Variants in FGFBP3 observed in about 807,000 individuals in gnomAD.
The protein encoded by FGFBP3 is fibroblast growth factor binding protein 3, also known as fibroblast growth factor-binding protein 3.
A neutral mutation model predicts 4.8 loss-of-function variants in FGFBP3; 4 were observed. That is an observed-to-expected ratio of 0.83 (90% CI 0.41 to 1.90). FGFBP3 has a LOEUF of 1.90. Ranked by LOEUF, FGFBP3 falls within the 40% of genes most tolerant of loss-of-function variation. The probability of loss-of-function intolerance (pLI) is 0.03; values close to 1 mark genes in which losing one functional copy is unlikely to be tolerated. For synonymous variants in FGFBP3, 215 were observed against 190.0 expected (o/e 1.13, Z -1.08); for missense variants, 429 against 397.4 (o/e 1.08, Z -0.68).
rs1321122723 is a variant in FGFBP3, at chr10:91,908,335, G to A, written c.635C>T (p.Ala212Val). 4 of 1,597,610 alleles carry A rather than the reference G, an allele frequency of 2.5e-6. No homozygotes were observed. The highest frequency in any genetic ancestry group is 1.4e-5 in the African/African-American group (1 of 73,672). The change falls in exon 2 of 2, where the codon GCC becomes GTC. Residue 212 changes from alanine to valine, a missense_variant. Transcript: ENST00000311575. ...RKTNEGKRKA[A>V]LVPNEERPMG... ...GGGTCGCTCCTCGTTGGGGACCAAG[G>A]CCGCCTTCCTCTTGCCCTCGTTGGT...
Position 91,908,016 on chromosome 10 carries a change from T to C in FGFBP3, c.*177A>G. The C allele has an allele frequency of 3.0e-6, 2 of 655,980 alleles. No homozygotes were observed. Among genetic ancestry groups the C allele is most frequent in the South Asian group, 2.5e-5 (1 of 39,666 alleles). The allele number at this position is 655,980 out of a possible 1,614,324, so 40.6% of individuals were successfully genotyped here. A position where few individuals can be genotyped will look rare whatever the true frequency, so the allele number is the denominator to read the frequency against. The stretch of plus-strand genomic sequence containing the variant: ...TTAACTTCTCTGCTATCCCAGAGAT[T>C]CTCCATACCCCTTACACTCTCATCC... On this transcript the variant is annotated 3_prime_UTR_variant, in exon 2 of 2. Coordinates refer to ENST00000311575, the MANE Select transcript of FGFBP3 (RefSeq NM_152429.5).
chr10:91,909,223 A>C, intron 1 of FGFBP3, 175 bp downstream of exon 1: 4 of 486,212 alleles, frequency 8.2e-6, no homozygotes, highest in Non-Finnish European at 7.1e-6. Flanking sequence ...CTTTCGAACC[A>C]TGTATGCATT....
rs1843319986 is a variant in FGFBP3, at chr10:91,908,626, C to G, written c.344G>C (p.Gly115Ala). 1.4e-6 allele frequency: 2 copies of G among 1,438,366 alleles called. No individual in the cohort carries two copies. The highest frequency in any genetic ancestry group is 1.8e-6 in the Non-Finnish European group (2 of 1,100,326). The allele number at this position is 1,438,366 out of a possible 1,614,324, so 89.1% of individuals were successfully genotyped here. ...GGGCCTCCGCTTCTTGCGCAGCCCT[C>G]CCAGCACCTGCTTCCAGAAGTGCGC... is the stretch of plus-strand genomic sequence containing the variant. ...RRAHFWKQVL[G>A]GLRKKRRPCH... The change falls in exon 2 of 2, where the codon GGA becomes GCA. Residue 115 changes from glycine (G) to alanine (A), a missense_variant. Coordinates refer to ENST00000311575, the MANE Select transcript of FGFBP3 (RefSeq NM_152429.5).
rs374461098 is a variant in FGFBP3 at position 91,908,448 on chromosome 10, C to G, written c.522G>C (p.Gly174=). The G allele has an allele frequency of 1.1e-5, 16 of 1,473,590 alleles. No individual in the cohort carries two copies. The highest frequency in any genetic ancestry group is 1.5e-5 in the African/African-American group (1 of 67,264). The allele number at this position is 1,473,590 out of a possible 1,614,324, so 91.3% of individuals were successfully genotyped here. The part of the protein sequence containing the change: ...GESKPRARNR[G]RTRERASGPA... ...GGCCGGACGCACGCTCCCGGGTCCG[C>G]CCCCGGTTCCGGGCCCGGGGCTTGG... The change falls in exon 2 of 2, where the codon GGG becomes GGC. Residue 174 remains glycine (G), a synonymous_variant. Coordinates refer to ENST00000311575, the MANE Select transcript of FGFBP3 (RefSeq NM_152429.5).
chr10:91,908,915 TCAG>T lies in FGFBP3; in HGVS notation c.52_54del (p.Leu18del), dbSNP rs370474127. ...CGAGCAGCCGCGAGGAGGCAACCAC[TCAG>T]CAGCAGCAGCAGCGACGGCGACAGC... On this transcript the variant is annotated inframe_deletion, in exon 2 of 2. Transcript: ENST00000311575. The T allele has an allele frequency of 8.9e-5, 143 of 1,603,682 alleles. 1 individual carries two copies. The highest frequency in any genetic ancestry group is 7.0e-4 in the East Asian group (31 of 44,296).
At position 91,907,823 on chromosome 10, in the gene FGFBP3, C is replaced by G. The variant is rs878954259; in HGVS notation, c.*370G>C. 3.9e-5 allele frequency: 8 copies of G among 203,080 alleles called. No individual in the cohort carries two copies. In the South Asian group the frequency reaches 1.0e-3, roughly 26 times the overall value. The allele number at this position is 203,080 out of a possible 1,614,324, so 12.6% of individuals were successfully genotyped here. ...AACAATAAACATTGCATCCCCCTCC[C>G]CACATGGGACTCACATCACTTTAGT... is the stretch of plus-strand genomic sequence containing the variant. On this transcript the variant is annotated 3_prime_UTR_variant, in exon 2 of 2. Transcript: ENST00000311575.
chr10:91,909,271 A>G, intron 1 of FGFBP3, 127 bp downstream of exon 1: 1 of 420,442 alleles, frequency 2.4e-6, no homozygotes, highest in South Asian at 3.8e-5. Flanking sequence ...TAGCAAAACG[A>G]TGCGTGATAA....
rs1843317366 is a variant in FGFBP3, at chr10:91,908,438, C to CCCGGGTCCGCCCCCGGTT, written c.514_531dup (p.Asn172_Arg177dup). ...CCAGCGGCTGGGCCGGACGCACGCT[C>CCCGGGTCCGCCCCCGGTT]CCGGGTCCGCCCCCGGTTCCGGGCC... is the stretch of plus-strand genomic sequence containing the variant. On this transcript the variant is annotated inframe_insertion, in exon 2 of 2. Transcript: ENST00000311575. The CCCGGGTCCGCCCCCGGTT allele has an allele frequency of 6.7e-7, 1 of 1,488,162 alleles. No homozygotes were observed. 92.2% of individuals were successfully genotyped at this position (1,488,162 alleles called of 1,614,324 possible). A position where few individuals can be genotyped will look rare whatever the true frequency, so the allele number is the denominator to read the frequency against.
chr10:91,908,647 T>G lies in FGFBP3; in HGVS notation c.323A>C (p.His108Pro). The G allele has an allele frequency of 7.0e-7, 1 of 1,435,626 alleles. No homozygotes were observed. Among genetic ancestry groups the G allele is most frequent in the Middle Eastern group, 2.4e-4 (1 of 4,250 alleles). The allele number at this position is 1,435,626 out of a possible 1,614,324, so 88.9% of individuals were successfully genotyped here. The change falls in exon 2 of 2, where the codon CAC becomes CCC. Residue 108 changes from histidine to proline, a missense_variant. Transcript: ENST00000311575. The part of the protein sequence containing the change: ...RCAAYAARRA[H>P]FWKQVLGGLR... ...CCCTCCCAGCACCTGCTTCCAGAAG[T>G]GCGCGCGGCGAGCGGCGTAGGCTGC... is the stretch of plus-strand genomic sequence containing the variant.
chr10:91,908,440 C>G lies in FGFBP3; in HGVS notation c.530G>C (p.Arg177Pro), dbSNP rs753871709. ...AGCGGCTGGGCCGGACGCACGCTCC[C>G]GGGTCCGCCCCCGGTTCCGGGCCCG... ...KPRARNRGRTRERASGPAAGT... is the reference protein window; with the variant it reads ...KPRARNRGRTPERASGPAAGT... Residue 177 changes from arginine to proline, a missense_variant, in exon 2 of 2, where the codon CGG becomes CCG. Arg to Pro is a moderately radical substitution (Grantham distance 103, BLOSUM62 -2). Transcript: ENST00000311575. 4 of 1,487,342 alleles carry G rather than the reference C, an allele frequency of 2.7e-6. No homozygotes were observed. Among genetic ancestry groups the G allele is most frequent in the Non-Finnish European group, 3.6e-6 (4 of 1,125,610 alleles). The allele number at this position is 1,487,342 out of a possible 1,614,324, so 92.1% of individuals were successfully genotyped here.
Position 91,906,667 on chromosome 10 carries a change from A to C in FGFBP3, c.*1526T>G, listed in dbSNP as rs1843301228. 1 of 152,258 alleles carries C rather than the reference A, an allele frequency of 6.6e-6. No individual in the cohort carries two copies. The highest frequency in any genetic ancestry group is 2.4e-5 in the African/African-American group (1 of 41,458). 9.4% of individuals were successfully genotyped at this position (152,258 alleles called of 1,614,324 possible). On this transcript the variant is annotated 3_prime_UTR_variant, in exon 2 of 2. Transcript: ENST00000311575. The stretch of plus-strand genomic sequence containing the variant: ...CCACATCCGTGGGCTCTGCATCCAC[A>C]GATTCAACAATGGATGGGAGGAAGG...
Position 91,908,695 on chromosome 10 carries a change from T to C in FGFBP3, c.275A>G (p.Tyr92Cys), listed in dbSNP as rs1238721578. The C allele has an allele frequency of 7.1e-7, 1 of 1,412,690 alleles. No homozygotes were observed. The allele number at this position is 1,412,690 out of a possible 1,614,324, so 87.5% of individuals were successfully genotyped here. The stretch of plus-strand genomic sequence containing the variant: ...TGCGCAGCGCTCCGGATGCCCGCGG[T>C]AGGCGCACTGGTGGCGCGCCCCGTC... ...SPDGARHQCA[Y>C]RGHPERCAAY... Residue 92 changes from tyrosine to cysteine, a missense_variant, in exon 2 of 2, where the codon TAC (tyrosine) becomes TGC (cysteine). Tyr to Cys is a radical substitution (Grantham distance 194). Coordinates refer to ENST00000311575, the MANE Select transcript of FGFBP3 (RefSeq NM_152429.5).
Position 91,908,122 on chromosome 10 carries a change from G to A in FGFBP3, c.*71C>T, listed in dbSNP as rs558589583. Reference sequence around the variant, plus strand: ...CCCAATCTCTATCACAGTACCCCCCGGTCTAAGACGCCCTTAGCTTTCCCT... The same window carrying A: ...CCCAATCTCTATCACAGTACCCCCCAGTCTAAGACGCCCTTAGCTTTCCCT... On this transcript the variant is annotated 3_prime_UTR_variant, in exon 2 of 2. Transcript: ENST00000311575. 537 of 1,365,210 alleles carry A rather than the reference G, an allele frequency of 3.9e-4. 2 individuals are homozygous for A. Among genetic ancestry groups the A allele is most frequent in the Middle Eastern group, 2.8e-3 (15 of 5,270 alleles). 84.6% of individuals were successfully genotyped at this position (1,365,210 alleles called of 1,614,324 possible).
rs11819077 is a variant in FGFBP3 at position 91,908,667 on chromosome 10, G to A, written c.303C>T (p.Ala101=). 4 of 1,432,880 alleles carry A rather than the reference G, an allele frequency of 2.8e-6. No individual in the cohort carries two copies. The highest frequency in any genetic ancestry group is 2.7e-5 in the Admixed American group (1 of 36,490). 88.8% of individuals were successfully genotyped at this position (1,432,880 alleles called of 1,614,324 possible). A position where few individuals can be genotyped will look rare whatever the true frequency, so the allele number is the denominator to read the frequency against. The change falls in exon 2 of 2, where the codon GCC becomes GCT. Residue 101 remains alanine, a synonymous_variant. Transcript: ENST00000311575. ...AYRGHPERCA[A]YAARRAHFWK... The stretch of plus-strand genomic sequence containing the variant: ...AGAAGTGCGCGCGGCGAGCGGCGTA[G>A]GCTGCGCAGCGCTCCGGATGCCCGC...
rs1486384312 is a variant in FGFBP3, at chr10:91,907,377, G to A, written c.*816C>T. 1 of 152,126 alleles carries A rather than the reference G, an allele frequency of 6.6e-6. No individual in the cohort carries two copies. The highest frequency in any genetic ancestry group is 1.5e-5 in the Non-Finnish European group (1 of 68,042). 9.4% of individuals were successfully genotyped at this position (152,126 alleles called of 1,614,324 possible). On this transcript the variant is annotated 3_prime_UTR_variant, in exon 2 of 2. Transcript: ENST00000311575. ...AAGTAGCACTTCTAAGCCAAGTGCAGCTGTGCATGCTTGTAGTCCCAGCTA... is the reference window on the plus strand; with the variant it reads ...AAGTAGCACTTCTAAGCCAAGTGCAACTGTGCATGCTTGTAGTCCCAGCTA...
In FGFBP3 at chr10:91,908,844, C is replaced by T. The variant is rs1843324719; in HGVS notation, c.126G>A (p.Gly42=). The T allele has an allele frequency of 6.5e-7, 1 of 1,543,534 alleles. No homozygotes were observed. The highest frequency in any genetic ancestry group is 1.2e-5 in the South Asian group (1 of 83,962). The change falls in exon 2 of 2, where the codon GGG becomes GGA. Residue 42 remains glycine (G), a synonymous_variant. Coordinates refer to ENST00000311575, the MANE Select transcript of FGFBP3 (RefSeq NM_152429.5). ...AASNVAEPVP[G]PTGGSSGRFL... ...AGCGACCCGAGGAGCCGCCAGTGGGCCCGGGGACCGGCTCCGCCACGTTGC... is the reference window on the plus strand; with the variant it reads ...AGCGACCCGAGGAGCCGCCAGTGGGTCCGGGGACCGGCTCCGCCACGTTGC...
Position 91,906,691 on chromosome 10 carries a change from G to C in FGFBP3, c.*1502C>G, listed in dbSNP as rs1843301594. 1 of 152,212 alleles carries C rather than the reference G, an allele frequency of 6.6e-6. No homozygotes were observed. Among genetic ancestry groups the C allele is most frequent in the Admixed American group, 6.5e-5 (1 of 15,284 alleles). 9.4% of individuals were successfully genotyped at this position (152,212 alleles called of 1,614,324 possible). ...CAGATTCAACAATGGATGGGAGGAAGGTGGGGAGGAAGGGAAAAAGAAAGA... is the reference window on the plus strand; with the variant it reads ...CAGATTCAACAATGGATGGGAGGAACGTGGGGAGGAAGGGAAAAAGAAAGA... On this transcript the variant is annotated 3_prime_UTR_variant, in exon 2 of 2. Coordinates refer to ENST00000311575, the MANE Select transcript of FGFBP3 (RefSeq NM_152429.5).
At position 91,908,811 on chromosome 10, in the gene FGFBP3, G is replaced by A. The variant is rs1316420478; in HGVS notation, c.159C>T (p.Ser53=). The A allele has an allele frequency of 8.5e-6, 13 of 1,522,342 alleles. No homozygotes were observed. The highest frequency in any genetic ancestry group is 1.1e-5 in the Non-Finnish European group (13 of 1,141,710). The allele number at this position is 1,522,342 out of a possible 1,614,324, so 94.3% of individuals were successfully genotyped here. Residue 53 remains serine, a synonymous_variant, in exon 2 of 2, where the codon AGC becomes AGT. Transcript: ENST00000311575. ...PTGGSSGRFL[S]PEQHACSWQL... ...GCCAGCTGCACGCGTGCTGCTCGGG[G>A]CTGAGGAAGCGACCCGAGGAGCCGC...
In FGFBP3 at chr10:91,908,739, CGCCA is replaced by C; in HGVS notation, c.227_230del (p.Leu76ArgfsTer71). 1 of 1,381,828 alleles carries C rather than the reference CGCCA, an allele frequency of 7.2e-7. No homozygotes were observed. The highest frequency in any genetic ancestry group is 9.3e-7 in the Non-Finnish European group (1 of 1,079,186). 85.6% of individuals were successfully genotyped at this position (1,381,828 alleles called of 1,614,324 possible). A position where few individuals can be genotyped will look rare whatever the true frequency, so the allele number is the denominator to read the frequency against. On this transcript the variant is annotated frameshift_variant, in exon 2 of 2. Coordinates refer to ENST00000311575, the MANE Select transcript of FGFBP3 (RefSeq NM_152429.5). LOFTEE classifies it low-confidence loss of function (END_TRUNC). Reference sequence around the variant, plus strand: ...CCCCGTCCGGGCTCTGGCAGCGCAGCGCCAGCTCGCTGCCCGCTGCGGCCTCCGG... The same window carrying C: ...CCCCGTCCGGGCTCTGGCAGCGCAGCGCTCGCTGCCCGCTGCGGCCTCCGG...
Sources: gnomAD v4.1 joint callset for allele counts on GRCh38, gnomAD v4.1.1 for gene constraint, MANE v1.5 for transcripts, NCBI Gene and HGNC (gene_info 2026-07-23, HGNC 2026-07-21) for gene names.